Variants in NBAS observed in about 807,000 individuals in gnomAD.
The protein encoded by NBAS is NAG/BC035112 fusion.
NBAS carries 219 observed loss-of-function variants against 302.5 expected under a neutral mutation model. The observed-to-expected ratio is 0.72, with a 90% CI of 0.65 to 0.81. NBAS has a LOEUF of 0.81. Among genes scored for constraint, NBAS ranks in the 30% least tolerant of loss-of-function variants. NBAS has a pLI of 0.00. For synonymous variants in NBAS, 1,118 were observed against 1,021.6 expected (o/e 1.09, Z -1.80); for missense variants, 2,932 against 2,841.6 (o/e 1.03, Z -0.72).
the NBAS span, among the ~76,000 whole-genome samples, chr2:15,088,558 T>C: frequency 7.9e-4 from 121 of 152,272 alleles, no homozygotes; most frequent in African/African-American, 2.9e-3. Context: ...CCAGAGAGCA[T>C]GGCTTATTGA....
At chr2:15,267,385 T>A (rs1254023574) in intron 44 of NBAS, among the ~76,000 whole-genome samples, 1 of 152,162 alleles carries the variant, frequency 6.6e-6, no homozygotes, top group Non-Finnish European at 1.5e-5. Context: ...GCAAAATACT[T>A]ATTTTGATCA....
At chr2:14,830,354 A>C in the NBAS span, among the ~76,000 whole-genome samples, 16 of 152,154 alleles carry the variant, frequency 1.1e-4, no homozygotes, top group Non-Finnish European at 2.1e-4. Flanking sequence ...GCCTACACTT[A>C]AACAGATCAG....
the NBAS span, among the ~76,000 whole-genome samples, chr2:15,077,680 CTTTTTTTTTCTTTT>C: frequency 6.8e-6 from 1 of 147,096 alleles, no homozygotes. Context: ...TTCTTTCTTT[CTTTTTTTTTCTTTT>C]TTTTTTTGAG....
the NBAS span, among the ~76,000 whole-genome samples, chr2:15,068,912 A>G: frequency 6.6e-6 from 1 of 152,216 alleles, no homozygotes; most frequent in African/African-American, 2.4e-5. Flanking sequence ...CAAGAGCTGC[A>G]TCCAGTGAGA....
intron 44 of NBAS, among the ~76,000 whole-genome samples, chr2:15,242,641 G>C (rs1473602452): frequency 6.7e-6 from 1 of 150,272 alleles, no homozygotes; most frequent in African/African-American, 2.5e-5. Flanking sequence ...ATGTACCAGA[G>C]TAAAAAAAAT....
At chr2:15,281,290 C>T (rs1669814121) in intron 42 of NBAS, among the ~76,000 whole-genome samples, 2 of 152,136 alleles carry the variant, frequency 1.3e-5, no homozygotes, top group Non-Finnish European at 2.9e-5. Context: ...CATATTACTA[C>T]CTTGCCAACA....
chr2:15,126,241 C>T, the NBAS span, among the ~76,000 whole-genome samples: 1 of 152,190 alleles, frequency 6.6e-6, no homozygotes, highest in Non-Finnish European at 1.5e-5. Context: ...TGTGGCCTTC[C>T]TCCATGATTA....
chr2:14,807,098 C>G, the NBAS span, among the ~76,000 whole-genome samples: 1 of 152,098 alleles, frequency 6.6e-6, no homozygotes, highest in South Asian at 2.1e-4. Context: ...TTACTTGGAT[C>G]CAATGAGTGA....
the NBAS span, among the ~76,000 whole-genome samples, chr2:14,804,484 T>C: frequency 6.6e-6 from 1 of 152,188 alleles, no homozygotes; most frequent in South Asian, 2.1e-4. Flanking sequence ...CCATATAAAG[T>C]GTCTTCAAAC....
the NBAS span, among the ~76,000 whole-genome samples, chr2:15,047,713 C>T: frequency 1.3e-5 from 2 of 151,512 alleles, no homozygotes; most frequent in African/African-American, 2.4e-5. Context: ...AGGCTGGGCC[C>T]GTGCAAGTGC....
At position 15,167,270 on chromosome 2, in the gene NBAS, CT is replaced by C; in HGVS notation, c.6893del (p.Lys2298SerfsTer4). 1 of 1,614,240 alleles carries C rather than the reference CT, an allele frequency of 6.2e-7. No homozygotes were observed. Among genetic ancestry groups the C allele is most frequent in the Non-Finnish European group, 8.5e-7 (1 of 1,180,032 alleles). ...GAGTGGAGACACACTTCACCAGCAGCTTGGCATCCAGGAGCAGGGAAAGAAG... is the reference window on the plus strand; with the variant it reads ...GAGTGGAGACACACTTCACCAGCAGCTGGCATCCAGGAGCAGGGAAAGAAG... ...QELLSLLLDA[K>X]LLVKCVSTPF... On this transcript the variant is annotated frameshift_variant, in exon 52 of 52. Transcript: ENST00000281513. LOFTEE classifies it low-confidence loss of function (END_TRUNC).
chr2:15,509,455 G>A (rs1186481709), intron 10 of NBAS, among the ~76,000 whole-genome samples: 1 of 152,096 alleles, frequency 6.6e-6, no homozygotes, highest in African/African-American at 2.4e-5. Context: ...CATACAAACT[G>A]GTTTAATGTC....
intron 28 of NBAS, chr2:15,393,756 A>G (rs1340181269): frequency 6.4e-6 from 3 of 469,942 alleles, no homozygotes; most frequent in Non-Finnish European, 1.3e-5. Context: ...ATGAAATACC[A>G]TTCCGCAAAC....
At chr2:15,560,258 TA>T (rs1168385679) in intron 1 of NBAS, among the ~76,000 whole-genome samples, 1 of 151,770 alleles carries the variant, frequency 6.6e-6, no homozygotes. Context: ...ATAATAATAA[TA>T]AAAAATAAAA....
chr2:15,503,709 G>A (rs13032011), intron 11 of NBAS, among the ~76,000 whole-genome samples: 87,312 of 151,988 alleles, frequency 0.57, 25,669 homozygotes, highest in Middle Eastern at 0.63. Context: ...CCTAGGGTCA[G>A]GAGGCACATT....
At chr2:15,345,826 G>C (rs1020692596) in intron 35 of NBAS, among the ~76,000 whole-genome samples, 1 of 152,134 alleles carries the variant, frequency 6.6e-6, no homozygotes, top group Non-Finnish European at 1.5e-5. Flanking sequence ...CAAAGGAACA[G>C]AACAGAGACC....
intron 21 of NBAS, among the ~76,000 whole-genome samples, chr2:15,442,370 A>T (rs900217097): frequency 5.3e-5 from 8 of 150,860 alleles, no homozygotes; most frequent in African/African-American, 1.7e-4. Flanking sequence ...GCTCAACTAC[A>T]TGGAAACTGA....
At chr2:15,050,676 G>C in the NBAS span, among the ~76,000 whole-genome samples, 1 of 152,212 alleles carries the variant, frequency 6.6e-6, no homozygotes, top group African/African-American at 2.4e-5. Context: ...CAGCGTGGAT[G>C]AGAAGGGTTT....
At position 15,217,943 on chromosome 2, in the gene NBAS, C is replaced by T. The variant is rs377364299; in HGVS notation, c.6432+830G>A. 3.3e-5 allele frequency among the ~76,000 whole-genome samples: 5 copies of T among 152,128 alleles called. No individual in the cohort carries two copies. In the East Asian group the frequency reaches 9.6e-4, roughly 29 times the overall value. Reference sequence around the variant, plus strand: ...CTCAAATATGTGGAATTCAAGGTTCCATTAAGCTTGCAATGGTTAGAGAAG... The same window carrying T: ...CTCAAATATGTGGAATTCAAGGTTCTATTAAGCTTGCAATGGTTAGAGAAG... On this transcript the variant is annotated intron_variant, in intron 48 of 51. Coordinates refer to ENST00000281513, the MANE Select transcript of NBAS (RefSeq NM_015909.4).
Sources: gnomAD v4.1 joint callset for allele counts (sites outside exome capture counted in the v4.1 genomes callset) on GRCh38, gnomAD v4.1.1 for gene constraint, MANE v1.5 for transcripts, NCBI Gene and HGNC (gene_info 2026-07-23, HGNC 2026-07-21) for gene names.